The following USP26 variants were observed in gnomAD, a reference collection of about 807,000 sequenced individuals.
The protein encoded by USP26 is ubiquitin specific peptidase 26, also known as ubiquitin carboxyl-terminal hydrolase 26.
For synonymous variants in USP26, 236 were observed against 240.6 expected, an observed-to-expected ratio of 0.98 and a Z score of 0.18; for missense variants, 649 against 642.3, an observed-to-expected ratio of 1.01 and a Z score of -0.11.
chrX:133,089,628 G>T (rs1351797279), intron 4 of USP26, among the ~76,000 whole-genome samples: 1 of 111,891 alleles, frequency 8.9e-6, no homozygotes, highest in Non-Finnish European at 1.9e-5. Flanking sequence ...GGTGGGAGAG[G>T]TGCTAAACCA....
intron 5 of USP26, among the ~76,000 whole-genome samples, chrX:133,068,302 C>T (rs909441647): frequency 8.9e-6 from 1 of 111,804 alleles, no homozygotes; most frequent in Non-Finnish European, 1.9e-5. Flanking sequence ...CTATTGATTA[C>T]TATGCTAATT....
In USP26 at chrX:133,027,713, C is replaced by T. The variant is rs760869112; in HGVS notation, c.508G>A (p.Gly170Arg). 447 of 1,207,238 alleles carry T rather than the reference C, an allele frequency of 3.7e-4. 1 individual carries two copies. Among genetic ancestry groups the T allele is most frequent in the South Asian group, 1.7e-3 (94 of 56,529 alleles). The part of the protein sequence containing the change: ...LLTSKLTLTC[G>R]ELSENQHKKR... Reference sequence around the variant, plus strand: ...TTGTGCTGATTTTCTGATAACTCTCCGCAAGTAAGTGTCAATTTTGATGTA... The same window carrying T: ...TTGTGCTGATTTTCTGATAACTCTCTGCAAGTAAGTGTCAATTTTGATGTA... Residue 170 changes from glycine to arginine, a missense_variant, in exon 6 of 6, where the codon GGA becomes AGA. By Grantham distance (125) the Gly-to-Arg change is moderately radical. Coordinates refer to ENST00000511190, the MANE Select transcript of USP26 (RefSeq NM_031907.3).
intron 5 of USP26, among the ~76,000 whole-genome samples, chrX:133,045,423 G>C (rs138148983): frequency 2.7e-5 from 3 of 111,949 alleles, no homozygotes; most frequent in Non-Finnish European, 3.8e-5. Context: ...CAGGCTGCCC[G>C]AGCCAGCAGT....
Position 133,091,994 on chromosome X carries a change from A to C in USP26, c.-392-551T>G, listed in dbSNP as rs183632112. On this transcript the variant is annotated intron_variant, in intron 1 of 5. Transcript: ENST00000511190. ...CCCAGCACCACTGCAGGAAAATTAC[A>C]TAACTTGGAACTCATTTTGGTGGAT... Among the ~76,000 whole-genome samples, 16 of 112,050 alleles carry C rather than the reference A, an allele frequency of 1.4e-4. No individual in the cohort carries two copies. The East Asian group carries it at 3.7e-3, about 26-fold the overall frequency.
intron 5 of USP26, among the ~76,000 whole-genome samples, chrX:133,069,817 A>G (rs55990251): frequency 3.0e-4 from 34 of 112,021 alleles, no homozygotes; most frequent in Non-Finnish European, 5.4e-4. Context: ...TAAGAGGGTC[A>G]TAAAAAAGAA....
chrX:133,036,331 C>T (rs2067395892), intron 5 of USP26, among the ~76,000 whole-genome samples: 1 of 109,561 alleles, frequency 9.1e-6, no homozygotes. Flanking sequence ...CCCTTTCCCC[C>T]CACCCACCAG....
chrX:133,068,337 CACAA>C (rs2067519189), intron 5 of USP26, among the ~76,000 whole-genome samples: 1 of 112,026 alleles, frequency 8.9e-6, no homozygotes, highest in Non-Finnish European at 1.9e-5. Flanking sequence ...GTAATCTGTA[CACAA>C]AACCTCCACA....
rs1219683308 is a variant in USP26, at chrX:133,026,825, T to C, written c.1396A>G (p.Ile466Val). The change falls in exon 6 of 6, where the codon ATC becomes GTC. Residue 466 changes from isoleucine to valine, a missense_variant. Coordinates refer to ENST00000511190, the MANE Select transcript of USP26 (RefSeq NM_031907.3). The stretch of plus-strand genomic sequence containing the variant: ...GCTTTTATTCTTTGGGGAAGGTTGA[T>C]GGAGAGGTAATTATTCAGTTCTGTC... Reference protein sequence around the residue: ...LKTELNNYLSINLPQRIKAHP... With the variant: ...LKTELNNYLSVNLPQRIKAHP... 2 of 1,209,314 alleles carry C rather than the reference T, an allele frequency of 1.7e-6. No individual in the cohort carries two copies. Among genetic ancestry groups the C allele is most frequent in the Admixed American group, 2.2e-5 (1 of 45,625 alleles).
At chrX:133,079,659 A>T (rs1440786835) in intron 5 of USP26, among the ~76,000 whole-genome samples, 1 of 111,426 alleles carries the variant, frequency 9.0e-6, no homozygotes. Flanking sequence ...ACAAAGGATG[A>T]CCAGTACCCA....
chrX:133,084,854 C>T (rs1314940484), intron 4 of USP26, among the ~76,000 whole-genome samples: 2 of 111,419 alleles, frequency 1.8e-5, no homozygotes, highest in African/African-American at 6.5e-5. Flanking sequence ...AAGCAGTATA[C>T]ACTGCACTCA....
At chrX:133,076,788 C>T (rs895321453) in intron 5 of USP26, among the ~76,000 whole-genome samples, 1 of 111,743 alleles carries the variant, frequency 8.9e-6, no homozygotes, top group African/African-American at 3.3e-5. Context: ...AGCAGATCTT[C>T]CTCAAGGTGC....
rs769760488 is a variant in USP26, at chrX:133,026,491, C to T, written c.1730G>A (p.Arg577Gln). Residue 577 changes from arginine (R) to glutamine (Q), a missense_variant, in exon 6 of 6, where the codon CGA becomes CAA. By Grantham distance (43) the Arg-to-Gln change is conservative. Coordinates refer to ENST00000511190, the MANE Select transcript of USP26 (RefSeq NM_031907.3). ...ACTGATGTTTCCAGAAGTCATCTTT[C>T]GAATAACTTTTAATAATTGGAAATC... is the stretch of plus-strand genomic sequence containing the variant. ...ITDFQLLKVI[R>Q]KMTSGNISVS... is the part of the protein sequence containing the mutation. 23 of 1,204,694 alleles carry T rather than the reference C, an allele frequency of 1.9e-5. No homozygotes were observed. The highest frequency in any genetic ancestry group is 1.1e-4 in the Admixed American group (5 of 44,818).
rs180961846 is a variant in USP26 at position 133,031,395 on chromosome X, G to T, written c.-76-3099C>A. On this transcript the variant is annotated intron_variant, in intron 5 of 5. Transcript: ENST00000511190. ...TGGATAAGCCAATTCCTCTATTAGG[G>T]CCCATTAAACAAATCGGGAAATGAT... 1.6e-4 allele frequency among the ~76,000 whole-genome samples: 18 copies of T among 111,995 alleles called. 1 individual carries two copies. The highest frequency in any genetic ancestry group is 5.8e-4 in the African/African-American group (18 of 30,849).
chrX:133,094,396 T>A (rs1001458773), intron 1 of USP26, among the ~76,000 whole-genome samples: 3 of 109,543 alleles, frequency 2.7e-5, no homozygotes, highest in African/African-American at 1.0e-4. Context: ...TCCTCCTTAT[T>A]CTTAAATAGA....
intron 5 of USP26, among the ~76,000 whole-genome samples, chrX:133,056,863 A>ACATGGCC (rs1452759565): frequency 8.9e-6 from 1 of 111,777 alleles, no homozygotes; most frequent in Non-Finnish European, 1.9e-5. Context: ...TGCCAATTAA[A>ACATGGCC]CATGGCCCCC....
intron 4 of USP26, among the ~76,000 whole-genome samples, chrX:133,087,066 T>C (rs902813169): frequency 9.0e-6 from 1 of 111,404 alleles, no homozygotes; most frequent in East Asian, 2.8e-4. Context: ...CTCACCTTTA[T>C]TTCAGTGTTT....
chrX:133,064,517 A>C, intron 5 of USP26, among the ~76,000 whole-genome samples: 1 of 111,893 alleles, frequency 8.9e-6, no homozygotes, highest in Non-Finnish European at 1.9e-5. Context: ...AACAGAAATC[A>C]TAACAGCTTC....
intron 5 of USP26, among the ~76,000 whole-genome samples, chrX:133,082,620 T>G (rs951836928): frequency 9.0e-6 from 1 of 111,600 alleles, no homozygotes; most frequent in African/African-American, 3.3e-5. Context: ...TTGATAGAAA[T>G]TAAAACAAAA....
chrX:133,033,071 C>T (rs2067383582), intron 5 of USP26, among the ~76,000 whole-genome samples: 1 of 111,454 alleles, frequency 9.0e-6, no homozygotes, highest in Non-Finnish European at 1.9e-5. Flanking sequence ...TGATCAGATG[C>T]AGGGAGTCGG....
Sources: gnomAD v4.1 joint callset for allele counts (sites outside exome capture counted in the v4.1 genomes callset) on GRCh38, gnomAD v4.1.1 for gene constraint, MANE v1.5 for transcripts, NCBI Gene and HGNC (gene_info 2026-07-23, HGNC 2026-07-21) for gene names.